Variants in SPMIP7 observed in about 807,000 individuals in gnomAD.
SPMIP7 encodes the protein sperm microtubule inner protein 7.
chr7:50,109,869 G>A, the SPMIP7 span, among the ~76,000 whole-genome samples: 45 of 152,156 alleles, frequency 3.0e-4, no homozygotes, highest in African/African-American at 1.0e-3. Flanking sequence ...CACTGATATT[G>A]TTGATACAAC....
chr7:50,129,735 G>C, the SPMIP7 span: 4 of 1,548,070 alleles, frequency 2.6e-6, no homozygotes, highest in African/African-American at 2.7e-5. Context: ...TGAACCACTT[G>C]TTCAAACAAA....
the SPMIP7 span, among the ~76,000 whole-genome samples, chr7:50,140,724 G>GCC: frequency 6.6e-6 from 1 of 152,222 alleles, no homozygotes; most frequent in African/African-American, 2.4e-5. Flanking sequence ...TGGACCTTTA[G>GCC]TCCTGGCCCA....
the SPMIP7 span, among the ~76,000 whole-genome samples, chr7:50,103,548 G>T: frequency 2.0e-5 from 3 of 152,046 alleles, no homozygotes; most frequent in African/African-American, 7.2e-5. Flanking sequence ...TTTTTAAGAG[G>T]CTATACCTAA....
At chr7:50,153,867 A>G in the SPMIP7 span, among the ~76,000 whole-genome samples, 1 of 152,206 alleles carries the variant, frequency 6.6e-6, no homozygotes, top group Non-Finnish European at 1.5e-5. Context: ...GCCACTGCAT[A>G]CAGACAATTC....
At chr7:50,145,624 A>ATG in the SPMIP7 span, among the ~76,000 whole-genome samples, 1 of 66,692 alleles carries the variant, frequency 1.5e-5, no homozygotes, top group Non-Finnish European at 2.7e-5. Context: ...GTGTGTATAT[A>ATG]TATATATATA....
chr7:50,107,717 G>A, the SPMIP7 span, among the ~76,000 whole-genome samples: 151 of 152,254 alleles, frequency 9.9e-4, no homozygotes, highest in African/African-American at 2.2e-3. Context: ...TATCCACTGC[G>A]TGTTTATTTC....
chr7:50,118,414 CA>C, the SPMIP7 span, among the ~76,000 whole-genome samples: 56 of 152,256 alleles, frequency 3.7e-4, no homozygotes, highest in Non-Finnish European at 6.9e-4. Flanking sequence ...TTTGGTTTGT[CA>C]AACTCATAAT....
the SPMIP7 span, among the ~76,000 whole-genome samples, chr7:50,100,705 G>A: frequency 2.6e-5 from 4 of 151,916 alleles, no homozygotes; most frequent in African/African-American, 4.8e-5. Flanking sequence ...CCAGCTACTC[G>A]GGAGGCTGAG....
chr7:50,124,299 G>A, the SPMIP7 span, among the ~76,000 whole-genome samples: 941 of 152,216 alleles, frequency 6.2e-3, 33 homozygotes, highest in Admixed American at 0.058. Flanking sequence ...ACCTTAGGGG[G>A]TTTTAACATC....
chr7:50,111,886 C>T, the SPMIP7 span, among the ~76,000 whole-genome samples: 7 of 152,000 alleles, frequency 4.6e-5, no homozygotes, highest in South Asian at 2.1e-4. Flanking sequence ...TTCAACCAAC[C>T]GTAATAAAAC....
chr7:50,116,314 C>T, the SPMIP7 span, among the ~76,000 whole-genome samples: 16 of 152,280 alleles, frequency 1.1e-4, no homozygotes, highest in African/African-American at 3.9e-4. Context: ...AGGGTCTCCC[C>T]ATGTTGCCCA....
chr7:50,104,451 T>G, the SPMIP7 span: 1 of 777,482 alleles, frequency 1.3e-6, no homozygotes, highest in South Asian at 2.4e-5. Flanking sequence ...ATAATTAGTT[T>G]ATTTCATTGT....
chr7:50,128,709 G>T, the SPMIP7 span, among the ~76,000 whole-genome samples: 6 of 152,042 alleles, frequency 3.9e-5, no homozygotes, highest in African/African-American at 1.2e-4. Flanking sequence ...ATGAACCACA[G>T]AATGAAAAGT....
chr7:50,108,094 T>C, the SPMIP7 span, among the ~76,000 whole-genome samples: 3 of 152,206 alleles, frequency 2.0e-5, no homozygotes, highest in African/African-American at 7.2e-5. Flanking sequence ...GAAGTTCTAC[T>C]TCAATGTGAT....
At chr7:50,110,936 G>A in the SPMIP7 span, among the ~76,000 whole-genome samples, 1 of 134,532 alleles carries the variant, frequency 7.4e-6, no homozygotes, top group Non-Finnish European at 1.5e-5. Context: ...TATATAATAT[G>A]TAAAATATAA....
the SPMIP7 span, chr7:50,135,978 T>C: frequency 2.9e-6 from 2 of 699,966 alleles, no homozygotes; most frequent in Non-Finnish European, 2.5e-6. Context: ...GAGAGTGCGT[T>C]TCCTAGGGAG....
At chr7:50,102,199 C>T in the SPMIP7 span, among the ~76,000 whole-genome samples, 1 of 152,132 alleles carries the variant, frequency 6.6e-6, no homozygotes, top group Non-Finnish European at 1.5e-5. Context: ...TGGCGCGTGC[C>T]CGTAATCCCA....
the SPMIP7 span, chr7:50,096,243 A>G: frequency 6.4e-7 from 1 of 1,551,748 alleles, no homozygotes; most frequent in Non-Finnish European, 8.7e-7. Context: ...AGACATAACT[A>G]TGGCAGGTTT....
At chr7:50,107,640 A>G in the SPMIP7 span, among the ~76,000 whole-genome samples, 1 of 152,162 alleles carries the variant, frequency 6.6e-6, no homozygotes, top group African/African-American at 2.4e-5. Context: ...AAAATAACAC[A>G]TGCTTATTTG....
Sources: gnomAD v4.1 joint callset for allele counts (sites outside exome capture counted in the v4.1 genomes callset) on GRCh38, gnomAD v4.1.1 for gene constraint, MANE v1.5 for transcripts, NCBI Gene and HGNC (gene_info 2026-07-23, HGNC 2026-07-21) for gene names.